PCID2: variants seen among roughly 807,000 people sequenced by gnomAD.
PCID2 encodes PCI domain-containing protein 2.
PCID2 carries 41 observed loss-of-function variants against 61.3 expected under a neutral mutation model. That is an observed-to-expected ratio of 0.67 (90% CI 0.52 to 0.87). The LOEUF (loss-of-function observed/expected upper bound fraction) is 0.87. Among genes scored for constraint, PCID2 ranks in the 40% least tolerant of loss-of-function variants. PCID2 has a pLI of 0.00. For missense variants in PCID2, 392 were observed against 493.4 expected, an observed-to-expected ratio of 0.79 and a Z score of 1.95; for synonymous variants, 187 against 177.8, an observed-to-expected ratio of 1.05 and a Z score of -0.41.
At position 113,179,827 on chromosome 13, in the gene PCID2, G is replaced by C; in HGVS notation, c.986+90C>G. ...AGATAACGACCCCACCCACACGGTG[G>C]CCTTCTCTCTTAGACTGCAACAGCC... On this transcript the variant is annotated intron_variant, in intron 12 of 13. Transcript: ENST00000337344. The surrounding 1 kb of genome is among the most constrained non-coding windows in gnomAD (Gnocchi z 4.3). 7.7e-7 allele frequency: 1 copy of C among 1,306,658 alleles called. No individual in the cohort carries two copies. The highest frequency in any genetic ancestry group is 1.1e-6 in the Non-Finnish European group (1 of 942,404). 80.9% of individuals were successfully genotyped at this position (1,306,658 alleles called of 1,614,324 possible). A position where few individuals can be genotyped will look rare whatever the true frequency, so the allele number is the denominator to read the frequency against.
intron 7 of PCID2, chr13:113,187,482 GC>G (rs2038222859): frequency 6.6e-6 from 1 of 152,136 alleles, no homozygotes; most frequent in Non-Finnish European, 1.5e-5. Flanking sequence ...CACTGGCGCC[GC>G]CCGTCTTTCT....
At chr13:113,188,514 C>T (rs1187811552) in intron 7 of PCID2, 1 of 152,270 alleles carries the variant, frequency 6.6e-6, no homozygotes, top group Non-Finnish European at 1.5e-5. Context: ...AACTTCATTA[C>T]AACCTCATTT....
intron 1 of PCID2, among the ~76,000 whole-genome samples, chr13:113,201,415 C>T (rs1453674288): frequency 1.3e-5 from 2 of 152,172 alleles, no homozygotes. Context: ...CTGCGCAGAA[C>T]GTCGGGTGGA....
At chr13:113,197,312 T>G in intron 3 of PCID2, 69 bp from the exon 4 acceptor site, 1 of 1,089,190 alleles carries the variant, frequency 9.2e-7, no homozygotes, top group South Asian at 1.2e-5. Flanking sequence ...CCCACACAGC[T>G]CACTTCATTG....
At chr13:113,196,733 A>G (rs1201842951) in intron 4 of PCID2, among the ~76,000 whole-genome samples, 1 of 152,238 alleles carries the variant, frequency 6.6e-6, no homozygotes, top group Non-Finnish European at 1.5e-5. Flanking sequence ...GTAACTAAAG[A>G]TACCCTTTAA....
downstream of PCID2, among the ~76,000 whole-genome samples, chr13:113,175,000 G>C (rs1037489237): frequency 6.6e-6 from 1 of 152,182 alleles, no homozygotes; most frequent in Non-Finnish European, 1.5e-5. Context: ...GGATCACGGG[G>C]GCGGCTCCCC....
intron 9 of PCID2, among the ~76,000 whole-genome samples, chr13:113,183,469 A>G (rs1238858601): frequency 2.6e-5 from 4 of 152,220 alleles, no homozygotes; most frequent in Admixed American, 2.6e-4. Context: ...GCCCTTCTTT[A>G]AAAGCCCTAG....
At chr13:113,198,620 G>A (rs1416410546) in intron 2 of PCID2, among the ~76,000 whole-genome samples, 3 of 152,166 alleles carry the variant, frequency 2.0e-5, no homozygotes, top group African/African-American at 4.8e-5. Context: ...CATGAGAATC[G>A]CTTGAACATG....
the PCID2 span, among the ~76,000 whole-genome samples, chr13:113,167,313 A>G: frequency 2.0e-5 from 3 of 152,228 alleles, no homozygotes; most frequent in African/African-American, 7.2e-5. Flanking sequence ...GTAGGTATTC[A>G]ACAAGTGGCA....
chr13:113,194,766 C>A (rs1043119542), intron 6 of PCID2, among the ~76,000 whole-genome samples: 1 of 152,122 alleles, frequency 6.6e-6, no homozygotes, highest in African/African-American at 2.4e-5. Context: ...AGAAGAGATG[C>A]AGAATAAGCT....
the PCID2 span, among the ~76,000 whole-genome samples, chr13:113,166,719 C>T: frequency 1.3e-5 from 2 of 152,234 alleles, no homozygotes; most frequent in African/African-American, 2.4e-5. Flanking sequence ...CTTTCTAAGA[C>T]AGTTCTTCCT....
At chr13:113,168,797 T>C in the PCID2 span, among the ~76,000 whole-genome samples, 2 of 152,302 alleles carry the variant, frequency 1.3e-5, no homozygotes, top group East Asian at 3.9e-4. Flanking sequence ...GGTGTGATCA[T>C]GGCTCACTGC....
At chr13:113,170,508 C>T in the PCID2 span, 4 of 1,587,004 alleles carry the variant, frequency 2.5e-6, no homozygotes, top group South Asian at 1.1e-5. Flanking sequence ...CACTGTTACA[C>T]AGGAATATTA....
At chr13:113,177,280 G>C (rs1359393619), downstream of PCID2, among the ~76,000 whole-genome samples, 1 of 152,166 alleles carries the variant, frequency 6.6e-6, no homozygotes. Flanking sequence ...TGGAATTACA[G>C]GTATGCGCCA....
chr13:113,172,164 CTGCCACTGTGGA>C, the PCID2 span: 1 of 1,592,044 alleles, frequency 6.3e-7, no homozygotes, highest in South Asian at 1.1e-5. Flanking sequence ...CAAGCTGGCA[CTGCCACTGTGGA>C]GGGCGCTGAA....
intron 7 of PCID2, chr13:113,186,490 A>T (rs1240974925): frequency 6.6e-6 from 1 of 151,486 alleles, no homozygotes; most frequent in African/African-American, 2.4e-5. Flanking sequence ...ACTTGACCAC[A>T]TGTGAGATGG....
chr13:113,173,120 C>A (rs2037143530), downstream of PCID2, among the ~76,000 whole-genome samples: 1 of 152,164 alleles, frequency 6.6e-6, no homozygotes, highest in Admixed American at 6.5e-5. Flanking sequence ...CTGCCGGCAC[C>A]CAGATCTTGA....
intron 9 of PCID2, among the ~76,000 whole-genome samples, chr13:113,183,220 G>A (rs1484620866): frequency 6.6e-6 from 1 of 152,158 alleles, no homozygotes; most frequent in Non-Finnish European, 1.5e-5. Context: ...TCAAACGAAA[G>A]GGTTGGATGA....
Position 113,196,212 on chromosome 13 carries a change from G to T in PCID2, c.277C>A (p.Arg93=), listed in dbSNP as rs142488367. The T allele has an allele frequency of 1.9e-6, 3 of 1,601,108 alleles. No individual in the cohort carries two copies. The highest frequency in any genetic ancestry group is 2.6e-6 in the Non-Finnish European group (3 of 1,170,114). The change falls in exon 5 of 14, where the codon CGA becomes AGA. Residue 93 remains arginine (R), a synonymous_variant. Transcript: ENST00000337344. The part of the protein sequence containing the change: ...CQTVIVQSFL[R]AFQAHKEENW... ...TCTTCTTTGTGGGCCTGGAATGCTCGCAAGAATGATGTACTGTATTAAGGA... is the reference window on the plus strand; with the variant it reads ...TCTTCTTTGTGGGCCTGGAATGCTCTCAAGAATGATGTACTGTATTAAGGA...
Sources: allele counts gnomAD v4.1 joint callset (sites outside exome capture counted in the v4.1 genomes callset), GRCh38; gene constraint gnomAD v4.1.1; non-coding constraint Gnocchi (gnomAD v3.1); transcripts MANE v1.5; gene names NCBI Gene and HGNC (gene_info 2026-07-23, HGNC 2026-07-21).